The following MBNL1 variants were observed in gnomAD, a reference collection of about 807,000 sequenced individuals.
The protein encoded by MBNL1 is muscleblind-like protein 1.
A neutral mutation model predicts 42.2 loss-of-function variants in MBNL1; 8 were observed. The ratio of observed to expected loss-of-function variants is 0.19; its 90% CI spans 0.11 to 0.34. The LOEUF (loss-of-function observed/expected upper bound fraction) is 0.34. Among genes scored for constraint, MBNL1 ranks in the 10% least tolerant of loss-of-function variants. The probability of loss-of-function intolerance (pLI) is 1.00; values close to 1 mark genes in which losing one functional copy is unlikely to be tolerated. For synonymous variants in MBNL1, 169 were observed against 173.9 expected (o/e 0.97, Z 0.22); for missense variants, 309 against 495.3 (o/e 0.62, Z 3.57).
chr3:152,368,311 A>C (rs141249846), intron 2 of MBNL1, among the ~76,000 whole-genome samples: 81 of 152,222 alleles, frequency 5.3e-4, no homozygotes, highest in African/African-American at 1.5e-3. Flanking sequence ...GTCAAAGATG[A>C]GATAGTTGTA....
chr3:152,458,904 T>C (rs1328739837), intron 8 of MBNL1: 1 of 165,178 alleles, frequency 6.1e-6, no homozygotes, highest in Admixed American at 6.4e-5. Context: ...AGGCAAGACA[T>C]TTCCTTATCT....
At chr3:152,454,108 A>C (rs1728922218) in intron 6 of MBNL1, among the ~76,000 whole-genome samples, 1 of 152,160 alleles carries the variant, frequency 6.6e-6, no homozygotes, top group African/African-American at 2.4e-5. Context: ...GTCTTTCACA[A>C]GTCTTTGACT....
intron 1 of MBNL1, among the ~76,000 whole-genome samples, chr3:152,270,576 G>A (rs1182480070): frequency 6.6e-6 from 1 of 152,112 alleles, no homozygotes; most frequent in Non-Finnish European, 1.5e-5. Context: ...AAAGTTCAAC[G>A]ACTGTAAAAT....
At chr3:152,309,155 C>G (rs1424627731) in intron 2 of MBNL1, among the ~76,000 whole-genome samples, 1 of 152,108 alleles carries the variant, frequency 6.6e-6, no homozygotes, top group Non-Finnish European at 1.5e-5. Flanking sequence ...CCCCTTCCCT[C>G]TCTCTCACAC....
At chr3:152,338,298 G>A (rs1193467872) in intron 2 of MBNL1, 2 of 985,270 alleles carry the variant, frequency 2.0e-6, no homozygotes, top group East Asian at 2.3e-4. Context: ...CTCCCAGGGT[G>A]TTGTGCTGCG....
chr3:152,454,424 T>C (rs1390934530), intron 6 of MBNL1, among the ~76,000 whole-genome samples: 1 of 152,202 alleles, frequency 6.6e-6, no homozygotes, highest in Non-Finnish European at 1.5e-5. Flanking sequence ...TTAAACAGGA[T>C]ATGCTAAGAT....
intron 2 of MBNL1, among the ~76,000 whole-genome samples, chr3:152,402,665 A>G (rs1007910537): frequency 6.6e-6 from 1 of 152,222 alleles, no homozygotes; most frequent in Non-Finnish European, 1.5e-5. Flanking sequence ...TAAGCAGTTA[A>G]CTGAGAAAAG....
In MBNL1 at chr3:152,279,575, ACT is replaced by A. The variant is rs1234541550; in HGVS notation, c.-790+10486_-790+10487del. On this transcript the variant is annotated intron_variant, in intron 1 of 9. Transcript: ENST00000324210. ...AGCGTATCGTTTGACAAATGCTTATACTCTGTTTCTTGGATTTGTAAAAAAAA... is the reference window on the plus strand; with the variant it reads ...AGCGTATCGTTTGACAAATGCTTATACTGTTTCTTGGATTTGTAAAAAAAA... Among the ~76,000 whole-genome samples, 5 of 147,518 alleles carry A rather than the reference ACT, an allele frequency of 3.4e-5. No homozygotes were observed. In the East Asian group the frequency reaches 9.9e-4, roughly 29 times the overall value.
chr3:152,320,237 G>A (rs1054398282), intron 2 of MBNL1, among the ~76,000 whole-genome samples: 4 of 152,082 alleles, frequency 2.6e-5, no homozygotes, highest in Non-Finnish European at 5.9e-5. Context: ...TGTGTAATAG[G>A]ACATTTGTTG....
At chr3:152,268,518 C>T (rs1048553794), upstream of MBNL1, 1 of 337,854 alleles carries the variant, frequency 3.0e-6, no homozygotes, top group African/African-American at 2.3e-5. Context: ...TCAAAATGAA[C>T]CCACTGGTGT....
chr3:152,448,254 T>C (rs1361095614), intron 6 of MBNL1, among the ~76,000 whole-genome samples: 2 of 152,166 alleles, frequency 1.3e-5, no homozygotes, highest in Admixed American at 6.5e-5. Flanking sequence ...AGGGCTCTTA[T>C]TGGCATCAAT....
In MBNL1 at chr3:152,462,878, T is replaced by C. The variant is rs1413375148; in HGVS notation, c.*512T>C. On this transcript the variant is annotated 3_prime_UTR_variant, in exon 10 of 10. Coordinates refer to ENST00000324210, the MANE Select transcript of MBNL1 (RefSeq NM_021038.5). ...TGAGAGCGTGCATGCACAGTCATTT[T>C]TGTTTAAGAGTAATATTTTTAATGT... 6.6e-6 allele frequency: 1 copy of C among 151,960 alleles called. No individual in the cohort carries two copies. Among genetic ancestry groups the C allele is most frequent in the African/African-American group, 2.4e-5 (1 of 41,408 alleles). The allele number at this position is 151,960 out of a possible 1,614,324, so 9.4% of individuals were successfully genotyped here. A position where few individuals can be genotyped will look rare whatever the true frequency, so the allele number is the denominator to read the frequency against.
intron 2 of MBNL1, chr3:152,338,022 G>A (rs192216464): frequency 9.4e-5 from 83 of 878,814 alleles, no homozygotes; most frequent in Middle Eastern, 1.2e-3. Flanking sequence ...TAAATATTGC[G>A]ATGACAAGAT....
chr3:152,269,351 A>C, intron 1 of MBNL1: 3 of 350,158 alleles, frequency 8.6e-6, no homozygotes, highest in South Asian at 4.2e-5. Context: ...CAGCCCGCGC[A>C]CGGCTTGGCA....
chr3:152,310,318 T>G (rs1222968921), intron 2 of MBNL1, among the ~76,000 whole-genome samples: 1 of 152,220 alleles, frequency 6.6e-6, no homozygotes, highest in Non-Finnish European at 1.5e-5. Flanking sequence ...CATCTATTGA[T>G]TATATAAACT....
intron 2 of MBNL1, among the ~76,000 whole-genome samples, chr3:152,411,431 A>G (rs940796266): frequency 6.6e-6 from 1 of 152,176 alleles, no homozygotes; most frequent in Non-Finnish European, 1.5e-5. Flanking sequence ...GAGAAAGGAG[A>G]ATGGTGTGAA....
intron 6 of MBNL1, among the ~76,000 whole-genome samples, chr3:152,454,860 T>A (rs553751541): frequency 1.0e-3 from 153 of 152,338 alleles, no homozygotes; most frequent in African/African-American, 3.5e-3. Flanking sequence ...ATATTCCCCC[T>A]TAATGCTTTT....
intron 8 of MBNL1, chr3:152,458,655 CA>C (rs1560688993): frequency 6.1e-6 from 1 of 164,006 alleles, no homozygotes; most frequent in African/African-American, 2.4e-5. Flanking sequence ...TGAAATAAGT[CA>C]ACTCTATATT....
intron 2 of MBNL1, among the ~76,000 whole-genome samples, chr3:152,356,172 C>G (rs950016858): frequency 6.6e-5 from 10 of 151,792 alleles, no homozygotes; most frequent in African/African-American, 2.4e-4. Context: ...ATGCTTTATG[C>G]TCAGATGCAA....
Sources: allele counts gnomAD v4.1 joint callset (sites outside exome capture counted in the v4.1 genomes callset), GRCh38; gene constraint gnomAD v4.1.1; transcripts MANE v1.5; gene names NCBI Gene and HGNC (gene_info 2026-07-23, HGNC 2026-07-21).